VPS13A: variants seen among roughly 807,000 people sequenced by gnomAD.
VPS13A encodes intermembrane lipid transfer protein VPS13A.
In VPS13A, 264 loss-of-function variants were observed where a neutral mutation model predicts 390.9. The observed-to-expected ratio is 0.68, with a 90% CI of 0.61 to 0.75. The LOEUF is 0.75. VPS13A is among the 30% of genes least tolerant of loss of function. The pLI, the probability that VPS13A is intolerant of heterozygous loss-of-function variation, is 0.00. For missense variants in VPS13A, 3,409 were observed against 3,733.9 expected (o/e 0.91, Z 2.27); for synonymous variants, 1,231 against 1,227.1 (o/e 1.00, Z -0.07).
rs1281726807 is a variant in VPS13A, at chr9:77,228,275, A to G, written c.1595+11A>G. On this transcript the variant is annotated intron_variant, in intron 17 of 71. Coordinates refer to ENST00000360280, the MANE Select transcript of VPS13A (RefSeq NM_033305.3). ...AGCACAAGCAATAAAGTAAGTATTA[A>G]TTTATCTTTTTTTATCATATATGAA... 1.3e-6 allele frequency: 2 copies of G among 1,573,924 alleles called. No homozygotes were observed. Among genetic ancestry groups the G allele is most frequent in the Admixed American group, 1.7e-5 (1 of 57,792 alleles).
chr9:77,379,050 T>A (rs2131607341), intron 67 of VPS13A, among the ~76,000 whole-genome samples: 1 of 150,852 alleles, frequency 6.6e-6, no homozygotes, highest in South Asian at 2.1e-4. Flanking sequence ...GTATCATACT[T>A]GTATATTTTC....
intron 31 of VPS13A, among the ~76,000 whole-genome samples, chr9:77,290,170 T>C (rs564287304): frequency 6.4e-4 from 97 of 152,322 alleles, no homozygotes; most frequent in Non-Finnish European, 1.2e-3. Flanking sequence ...GAAAAACCTT[T>C]ATTTCACCCT....
chr9:77,323,619 G>T (rs998682233), intron 45 of VPS13A, among the ~76,000 whole-genome samples: 3 of 152,062 alleles, frequency 2.0e-5, no homozygotes, highest in Non-Finnish European at 4.4e-5. Context: ...TAAAGTTGAT[G>T]ACTTTTGACA....
chr9:77,195,860 TG>T (rs1824970086), intron 1 of VPS13A, among the ~76,000 whole-genome samples: 2 of 152,344 alleles, frequency 1.3e-5, no homozygotes, highest in Non-Finnish European at 2.9e-5. Context: ...CATTTTGTTT[TG>T]TTTTTTTCCC....
At chr9:77,196,669 T>C (rs1238898071) in intron 1 of VPS13A, among the ~76,000 whole-genome samples, 1 of 150,160 alleles carries the variant, frequency 6.7e-6, no homozygotes, top group East Asian at 1.9e-4. Context: ...TATATTGTTT[T>C]GTTTTGTTTT....
Position 77,221,307 on chromosome 9 carries a change from A to G in VPS13A, c.1112A>G (p.Lys371Arg), listed in dbSNP as rs1179792467. 1 of 1,613,450 alleles carries G rather than the reference A, an allele frequency of 6.2e-7. No homozygotes were observed. The highest frequency in any genetic ancestry group is 1.7e-5 in the Admixed American group (1 of 59,966). The change falls in exon 13 of 72, where the codon AAA becomes AGA. Residue 371 changes from lysine (K) to arginine (R), a missense_variant. Transcript: ENST00000360280. ...KVKQYKELYK[K>R]KLTSKKPPGE... ...AAGCAATATAAAGAACTGTATAAAA[A>G]AAAGTTAACAAGTAAGAAGCCACCT...
chr9:77,280,300 G>T, intron 27 of VPS13A, 62 bp downstream of exon 27: 4 of 1,354,942 alleles, frequency 3.0e-6, no homozygotes, highest in African/African-American at 1.4e-5. Flanking sequence ...GTTAAGTTTT[G>T]TAAGTTTGGT....
At chr9:77,191,137 G>A (rs986532140) in intron 1 of VPS13A, among the ~76,000 whole-genome samples, 5 of 151,832 alleles carry the variant, frequency 3.3e-5, no homozygotes, top group African/African-American at 4.8e-5. Flanking sequence ...GATGTTAGTT[G>A]TTAACTTTAT....
rs115557338 is a variant in VPS13A, at chr9:77,310,236, G to A, written c.4114+2138G>A. Among the ~76,000 whole-genome samples the A allele has an allele frequency of 5.6e-3, 858 of 152,120 alleles. 8 individuals are homozygous for A. The highest frequency in any genetic ancestry group is 0.021 in the Middle Eastern group (6 of 292). ...GGTTAAAAAAACCTAGGCCTACTCA[G>A]GAGTGCACTGAAAAGGAATCTCCAA... On this transcript the variant is annotated intron_variant, in intron 35 of 71. Transcript: ENST00000360280.
At chr9:77,327,013 A>G (rs1830049636) in intron 45 of VPS13A, among the ~76,000 whole-genome samples, 1 of 152,052 alleles carries the variant, frequency 6.6e-6, no homozygotes, top group Non-Finnish European at 1.5e-5. Flanking sequence ...GCTTCCCCAG[A>G]TTTTCAGATC....
intron 34 of VPS13A, among the ~76,000 whole-genome samples, 168 bp downstream of exon 34, chr9:77,303,230 T>C (rs1179051410): frequency 6.6e-6 from 1 of 152,228 alleles, no homozygotes; most frequent in Admixed American, 6.5e-5. Context: ...TCTTGATTTA[T>C]TCTTTTAACA....
chr9:77,401,502 A>G (rs1834392675), intron 68 of VPS13A, among the ~76,000 whole-genome samples: 1 of 152,098 alleles, frequency 6.6e-6, no homozygotes, highest in African/African-American at 2.4e-5. Flanking sequence ...TTTATCACCT[A>G]TATTCTGCAC....
intron 44 of VPS13A, among the ~76,000 whole-genome samples, chr9:77,322,448 A>G (rs902923775): frequency 5.9e-5 from 9 of 151,958 alleles, no homozygotes; most frequent in Non-Finnish European, 1.2e-4. Flanking sequence ...GGCTACTAAA[A>G]TAGCTTGTGT....
At chr9:77,313,609 G>T (rs1367271791) in intron 35 of VPS13A, among the ~76,000 whole-genome samples, 1 of 152,038 alleles carries the variant, frequency 6.6e-6, no homozygotes, top group Admixed American at 6.6e-5. Context: ...ATGTCTCTTG[G>T]TTTTAGTTTT....
chr9:77,385,197 G>T (rs993078269), intron 68 of VPS13A: 16 of 909,582 alleles, frequency 1.8e-5, no homozygotes, highest in Non-Finnish European at 2.1e-5. Flanking sequence ...CTAAAGGAGT[G>T]TGAATTTGTT....
At chr9:77,408,010 G>C (rs568146198) in intron 71 of VPS13A, among the ~76,000 whole-genome samples, 10 of 152,132 alleles carry the variant, frequency 6.6e-5, no homozygotes, top group Non-Finnish European at 8.8e-5. Context: ...AGTTGCCATA[G>C]CTGACACAGA....
At chr9:77,361,992 C>T (rs1832167556) in intron 59 of VPS13A, among the ~76,000 whole-genome samples, 1 of 151,982 alleles carries the variant, frequency 6.6e-6, no homozygotes. Flanking sequence ...CCATTCAGAT[C>T]CTTTGCTTAT....
chr9:77,229,378 G>A (rs199640724), intron 17 of VPS13A, among the ~76,000 whole-genome samples: 11 of 152,152 alleles, frequency 7.2e-5, no homozygotes, highest in Non-Finnish European at 1.6e-4. Context: ...TGGCTCATTC[G>A]AGAATATGTT....
intron 3 of VPS13A, 61 bp downstream of exon 3, chr9:77,201,468 C>T: frequency 7.9e-7 from 1 of 1,272,658 alleles, no homozygotes; most frequent in East Asian, 2.3e-5. Flanking sequence ...AATAATTTGC[C>T]TAATATATCT....
Sources: allele counts gnomAD v4.1 joint callset (sites outside exome capture counted in the v4.1 genomes callset), GRCh38; gene constraint gnomAD v4.1.1; transcripts MANE v1.5; gene names NCBI Gene and HGNC (gene_info 2026-07-23, HGNC 2026-07-21).